GGPS1: variants seen among roughly 807,000 people sequenced by gnomAD.
GGPS1 encodes geranylgeranyl pyrophosphate synthase.
GGPS1 carries 15 observed loss-of-function variants against 28.1 expected under a neutral mutation model. The ratio of observed to expected loss-of-function variants is 0.53; its 90% CI spans 0.36 to 0.82. The LOEUF (loss-of-function observed/expected upper bound fraction) is 0.82. Ranked by LOEUF, GGPS1 falls within the 40% of genes least tolerant of loss-of-function variation. The pLI, the probability that GGPS1 is intolerant of heterozygous loss-of-function variation, is 0.01. For synonymous variants in GGPS1, 138 were observed against 122.4 expected (o/e 1.13, Z -0.84); for missense variants, 284 against 348.3 (o/e 0.82, Z 1.47).
chr1:235,331,187 T>G (rs1426016479), intron 1 of GGPS1, among the ~76,000 whole-genome samples: 1 of 152,208 alleles, frequency 6.6e-6, no homozygotes, highest in East Asian at 1.9e-4. Context: ...TCTTTGGTAT[T>G]AATTGTTAGT....
intron 2 of GGPS1, chr1:235,336,754 C>T (rs936042959): frequency 5.3e-5 from 8 of 152,224 alleles, no homozygotes; most frequent in African/African-American, 1.9e-4. Flanking sequence ...TCAATAGACA[C>T]TTTTAAATTT....
Position 235,343,430 on chromosome 1 carries a change from A to G in GGPS1, c.*658A>G, listed in dbSNP as rs917249531. ...GCTGGGCGTGGTGGTGGGCGCCTGTAGTCCCAGCTACTCGGGAGGCTGAGG... is the reference window on the plus strand; with the variant it reads ...GCTGGGCGTGGTGGTGGGCGCCTGTGGTCCCAGCTACTCGGGAGGCTGAGG... On this transcript the variant is annotated 3_prime_UTR_variant, in exon 4 of 4. Coordinates refer to ENST00000282841, the MANE Select transcript of GGPS1 (RefSeq NM_004837.4). 1 of 158,786 alleles carries G rather than the reference A, an allele frequency of 6.3e-6. No individual in the cohort carries two copies. Among genetic ancestry groups the G allele is most frequent in the African/African-American group, 2.4e-5 (1 of 41,440 alleles). The allele number at this position is 158,786 out of a possible 1,614,324, so 9.8% of individuals were successfully genotyped here.
At chr1:235,332,772 C>A (rs1010912401) in intron 1 of GGPS1, among the ~76,000 whole-genome samples, 6 of 152,128 alleles carry the variant, frequency 3.9e-5, no homozygotes, top group African/African-American at 1.4e-4. Flanking sequence ...AATTGCCTTA[C>A]CCCTGAGAGT....
chr1:235,337,333 C>CT (rs1491485265), intron 2 of GGPS1, among the ~76,000 whole-genome samples: 4 of 151,544 alleles, frequency 2.6e-5, no homozygotes, highest in Admixed American at 6.6e-5. Flanking sequence ...TCTGTGACTT[C>CT]CTTTTTTTTA....
At position 235,342,629 on chromosome 1, in the gene GGPS1, G is replaced by A. The variant is rs1022872595; in HGVS notation, c.760G>A (p.Val254Ile). 1.2e-6 allele frequency: 2 copies of A among 1,612,148 alleles called. No homozygotes were observed. Among genetic ancestry groups the A allele is most frequent in the African/African-American group, 1.3e-5 (1 of 75,038 alleles). Residue 254 changes from valine to isoleucine, a missense_variant, in exon 4 of 4, where the codon GTA becomes ATA. Coordinates refer to ENST00000282841, the MANE Select transcript of GGPS1 (RefSeq NM_004837.4). ...ATACTGTGTACATTATCTTGAGGAT[G>A]TAGGTTCTTTTGAATACACTCGTAA... ...KKYCVHYLED[V>I]GSFEYTRNTL...
At chr1:235,332,659 T>A (rs1477345039) in intron 1 of GGPS1, among the ~76,000 whole-genome samples, 1 of 152,164 alleles carries the variant, frequency 6.6e-6, no homozygotes, top group Admixed American at 6.6e-5. Context: ...AAGTCTTGTC[T>A]TTGGTGGATT....
Position 235,342,044 on chromosome 1 carries a change from G to T in GGPS1, c.175G>T (p.Ala59Ser), listed in dbSNP as rs1159536078. 1.3e-6 allele frequency: 2 copies of T among 1,598,020 alleles called. No homozygotes were observed. Among genetic ancestry groups the T allele is most frequent in the Non-Finnish European group, 1.7e-6 (2 of 1,171,682 alleles). ...TGAAGTGACAGAAATGTTGCATAAT[G>T]CCAGTTTACTCATCGATGATATTGA... is the stretch of plus-strand genomic sequence containing the variant. ...IIEVTEMLHN[A>S]SLLIDDIEDN... Residue 59 changes from alanine (A) to serine (S), a missense_variant, in exon 4 of 4, where the codon GCC (alanine) becomes TCC (serine). Physicochemically the swap from Ala to Ser is moderately conservative, Grantham distance 99 (BLOSUM62 1). Transcript: ENST00000282841.
chr1:235,342,415 C>T lies in GGPS1; in HGVS notation c.546C>T (p.Leu182=), dbSNP rs373685421. The change falls in exon 4 of 4, where the codon CTC becomes CTT. Residue 182 remains leucine (L), a synonymous_variant. Transcript: ENST00000282841. ...DLKPLLNTLG[L]FFQIRDDYAN... Reference sequence around the variant, plus strand: ...AACCGCTACTTAATACACTTGGGCTCTTTTTCCAAATTAGGGATGATTATG... The same window carrying T: ...AACCGCTACTTAATACACTTGGGCTTTTTTTCCAAATTAGGGATGATTATG... The T allele has an allele frequency of 1.9e-6, 3 of 1,613,844 alleles. No homozygotes were observed. The African/African-American group carries it at 4.0e-5, about 22-fold the overall frequency.
At chr1:235,333,067 C>CAAA (rs5781828) in intron 1 of GGPS1, among the ~76,000 whole-genome samples, 42 of 43,298 alleles carry the variant, frequency 9.7e-4, no homozygotes, top group African/African-American at 3.4e-3. Context: ...GACTCCGTCT[C>CAAA]AAAAAAAAAA....
intron 2 of GGPS1, among the ~76,000 whole-genome samples, chr1:235,339,052 C>T (rs1675948722): frequency 6.6e-6 from 1 of 152,190 alleles, no homozygotes. Context: ...GTAATCCCTA[C>T]ACTTTGGGAG....
At chr1:235,329,828 A>T (rs1675640290) in intron 1 of GGPS1, 1 of 152,276 alleles carries the variant, frequency 6.6e-6, no homozygotes, top group African/African-American at 2.4e-5. Flanking sequence ...AGAGTTAAAG[A>T]GGCAAATGCA....
In GGPS1 at chr1:235,342,575, C is replaced by T. The variant is rs1473764648; in HGVS notation, c.706C>T (p.Gln236Ter). Residue 236 changes from glutamine (Q) to a stop codon, truncating the protein, a stop_gained, in exon 4 of 4, where the codon CAG (glutamine) becomes TAG (stop). Transcript: ENST00000282841. LOFTEE classifies it high-confidence loss of function. ...ESTQVQNILR[Q>*]RTENIDIKKY... is the part of the protein sequence containing the mutation. ...CACCCAGGTGCAGAATATCTTGCGCCAGAGAACAGAAAACATAGATATAAA... is the reference window on the plus strand; with the variant it reads ...CACCCAGGTGCAGAATATCTTGCGCTAGAGAACAGAAAACATAGATATAAA... 6.2e-7 allele frequency: 1 copy of T among 1,611,076 alleles called. No homozygotes were observed. Among genetic ancestry groups the T allele is most frequent in the East Asian group, 2.2e-5 (1 of 44,858 alleles).
chr1:235,338,352 A>G (rs1249397325), intron 2 of GGPS1, among the ~76,000 whole-genome samples: 1 of 151,954 alleles, frequency 6.6e-6, no homozygotes, highest in African/African-American at 2.4e-5. Flanking sequence ...ACTGCACCCC[A>G]GCCTGGGTGA....
chr1:235,337,332 TC>T (rs1417304254), intron 2 of GGPS1, among the ~76,000 whole-genome samples: 5 of 152,050 alleles, frequency 3.3e-5, no homozygotes, highest in Non-Finnish European at 7.4e-5. Flanking sequence ...TTCTGTGACT[TC>T]CTTTTTTTTA....
chr1:235,332,192 A>G (rs1675737524), intron 1 of GGPS1, among the ~76,000 whole-genome samples: 1 of 152,230 alleles, frequency 6.6e-6, no homozygotes, highest in African/African-American at 2.4e-5. Context: ...CGTTGTACCC[A>G]TTAAGTAATC....
chr1:235,327,576 T>C (rs1020066179), upstream of GGPS1: 2 of 151,996 alleles, frequency 1.3e-5, no homozygotes, highest in Non-Finnish European at 2.9e-5. Flanking sequence ...AACCGCTGAG[T>C]GTGCGGCCGC....
rs1676087905 is a variant in GGPS1 at position 235,342,657 on chromosome 1, C to T, written c.788C>T (p.Thr263Ile). Residue 263 changes from threonine to isoleucine, a missense_variant, in exon 4 of 4, where the codon ACC becomes ATC. Thr to Ile is a moderately conservative substitution (Grantham distance 89). Transcript: ENST00000282841. ...GGTTCTTTTGAATACACTCGTAATA[C>T]CCTTAAAGAGCTTGAAGCTAAAGCC... ...DVGSFEYTRNTLKELEAKAYK... is the reference protein window; with the variant it reads ...DVGSFEYTRNILKELEAKAYK... The T allele has an allele frequency of 1.2e-6, 2 of 1,610,584 alleles. No homozygotes were observed. Among genetic ancestry groups the T allele is most frequent in the African/African-American group, 1.3e-5 (1 of 74,978 alleles).
In GGPS1 at chr1:235,343,017, A is replaced by G; in HGVS notation, c.*245A>G. The G allele has an allele frequency of 3.1e-6, 1 of 326,442 alleles. No individual in the cohort carries two copies. Among genetic ancestry groups the G allele is most frequent in the Admixed American group, 4.6e-5 (1 of 21,872 alleles). The allele number at this position is 326,442 out of a possible 1,614,324, so 20.2% of individuals were successfully genotyped here. A position where few individuals can be genotyped will look rare whatever the true frequency, so the allele number is the denominator to read the frequency against. On this transcript the variant is annotated 3_prime_UTR_variant, in exon 4 of 4. Transcript: ENST00000282841. Reference sequence around the variant, plus strand: ...TGATTTGAATGTCATAATTGCAGTGACAGGACATTGCCACCAACTCTATCC... The same window carrying G: ...TGATTTGAATGTCATAATTGCAGTGGCAGGACATTGCCACCAACTCTATCC...
chr1:235,327,458 G>A (rs1038529641), upstream of GGPS1: 2 of 152,238 alleles, frequency 1.3e-5, no homozygotes, highest in South Asian at 2.1e-4. Flanking sequence ...GACCCGACAA[G>A]TGGGAGCGAG....
Sources: gnomAD v4.1 joint callset for allele counts (sites outside exome capture counted in the v4.1 genomes callset) on GRCh38, gnomAD v4.1.1 for gene constraint, MANE v1.5 for transcripts, NCBI Gene and HGNC (gene_info 2026-07-23, HGNC 2026-07-21) for gene names.